The following RSPH14 variants were observed in gnomAD, a reference collection of about 807,000 sequenced individuals.
The protein encoded by RSPH14 is rhabdoid tumor deletion region gene 1.
In RSPH14, 20 loss-of-function variants were observed where a neutral mutation model predicts 26.7. That is an observed-to-expected ratio of 0.75 (90% confidence interval 0.53 to 1.09). The LOEUF is 1.09. Among genes scored for constraint, RSPH14 ranks in the 50% least tolerant of loss-of-function variants. The probability of loss-of-function intolerance (pLI) is 0.00; values close to 1 mark genes in which losing one functional copy is unlikely to be tolerated. For synonymous variants in RSPH14, 177 were observed against 189.3 expected, an observed-to-expected ratio of 0.93 and a Z score of 0.53; for missense variants, 449 against 457.2, an observed-to-expected ratio of 0.98 and a Z score of 0.16.
At chr22:23,087,895 C>G (rs1381476752) in intron 4 of RSPH14, among the ~76,000 whole-genome samples, 1 of 152,192 alleles carries the variant, frequency 6.6e-6, no homozygotes, top group Non-Finnish European at 1.5e-5. Flanking sequence ...GAATCTTTAG[C>G]CTTCAGCTGC....
intron 4 of RSPH14, among the ~76,000 whole-genome samples, chr22:23,129,821 G>A (rs1335068929): frequency 2.0e-5 from 3 of 151,834 alleles, no homozygotes; most frequent in Non-Finnish European, 4.4e-5. Context: ...TCGGGAGGCT[G>A]AGTCAGGAGA....
chr22:23,141,907 C>T (rs1014629624), intron 1 of RSPH14, 42 bp downstream of exon 1: 22 of 892,628 alleles, frequency 2.5e-5, no homozygotes, highest in Non-Finnish European at 3.0e-5. Flanking sequence ...GGTCACTGGG[C>T]CCCCCTGTCC....
intron 4 of RSPH14, among the ~76,000 whole-genome samples, chr22:23,099,706 C>T (rs1283676391): frequency 3.3e-5 from 5 of 152,230 alleles, no homozygotes; most frequent in African/African-American, 1.2e-4. Context: ...CTCTGCCCCT[C>T]GTCTTTAGTA....
At chr22:23,178,243 C>T in the RSPH14 span, among the ~76,000 whole-genome samples, 1 of 152,086 alleles carries the variant, frequency 6.6e-6, no homozygotes, top group Non-Finnish European at 1.5e-5. Flanking sequence ...AGTGAAACCC[C>T]GTCTCTACTA....
intron 3 of RSPH14, among the ~76,000 whole-genome samples, chr22:23,137,413 C>A (rs1737923315): frequency 6.6e-6 from 1 of 150,876 alleles, no homozygotes; most frequent in Admixed American, 6.6e-5. Flanking sequence ...AGATGCCAAG[C>A]CCAGGGCTGC....
chr22:23,096,430 CG>C, intron 4 of RSPH14: 1 of 1,588,022 alleles, frequency 6.3e-7, no homozygotes. Flanking sequence ...TAAGTGGGGC[CG>C]GGGGTTTTCC....
intron 4 of RSPH14, among the ~76,000 whole-genome samples, chr22:23,094,236 G>A (rs1359814967): frequency 1.3e-5 from 2 of 152,158 alleles, no homozygotes; most frequent in Admixed American, 1.3e-4. Flanking sequence ...AGGGGTGCGT[G>A]TGAGTTGGGT....
rs2068946704 is a variant in RSPH14 at position 23,090,675 on chromosome 22, A to T, written c.422-26542T>A. Among the ~76,000 whole-genome samples, 4 of 151,174 alleles carry T rather than the reference A, an allele frequency of 2.6e-5. No homozygotes were observed. The South Asian group carries it at 8.4e-4, about 32-fold the overall frequency. ...TGATGCCTGCTTGCCTCCCTCCTTC[A>T]CCACCTGTTCATACTCATCTCTTAC... On this transcript the variant is annotated intron_variant, in intron 4 of 6. Coordinates refer to ENST00000216036, the MANE Select transcript of RSPH14 (RefSeq NM_014433.3).
At chr22:23,088,796 A>G (rs1371040326) in intron 4 of RSPH14, among the ~76,000 whole-genome samples, 3 of 152,138 alleles carry the variant, frequency 2.0e-5, no homozygotes, top group Admixed American at 1.3e-4. Flanking sequence ...CCCATCGGGC[A>G]TTAGGGGTGT....
chr22:23,136,283 C>T (rs1276223694), intron 3 of RSPH14: 12 of 708,974 alleles, frequency 1.7e-5, no homozygotes, highest in South Asian at 1.6e-4. Flanking sequence ...GATGCCAAGC[C>T]CAGGGCTGCT....
Position 23,091,207 on chromosome 22 carries a change from C to T in RSPH14, c.422-27074G>A, listed in dbSNP as rs556630573. 4.4e-4 allele frequency among the ~76,000 whole-genome samples: 67 copies of T among 152,340 alleles called. 1 individual carries two copies. Among genetic ancestry groups the T allele is most frequent in the South Asian group, 1.9e-3 (9 of 4,832 alleles). On this transcript the variant is annotated intron_variant, in intron 4 of 6. Transcript: ENST00000216036. ...TCACAGACATGTACATGGATCTGCGCGTGCACATGAACAGACACATGCACA... is the reference window on the plus strand; with the variant it reads ...TCACAGACATGTACATGGATCTGCGTGTGCACATGAACAGACACATGCACA...
At chr22:23,116,027 G>A (rs549834235) in intron 4 of RSPH14, among the ~76,000 whole-genome samples, 1 of 152,370 alleles carries the variant, frequency 6.6e-6, no homozygotes, top group East Asian at 1.9e-4. Flanking sequence ...CCCTGAGGCC[G>A]CTGGGGTCCC....
At chr22:23,166,504 C>T in the RSPH14 span, among the ~76,000 whole-genome samples, 1 of 152,138 alleles carries the variant, frequency 6.6e-6, no homozygotes, top group Admixed American at 6.5e-5. Context: ...TGCCAATGAA[C>T]TCAGCATAGA....
At chr22:23,131,391 G>C (rs1335184517) in intron 4 of RSPH14, 3 of 226,668 alleles carry the variant, frequency 1.3e-5, no homozygotes, top group Non-Finnish European at 2.6e-5. Context: ...TCAAGGAAAG[G>C]CAGGAGGAAG....
At chr22:23,103,120 G>A (rs1392805110) in intron 4 of RSPH14, among the ~76,000 whole-genome samples, 1 of 152,198 alleles carries the variant, frequency 6.6e-6, no homozygotes, top group Non-Finnish European at 1.5e-5. Flanking sequence ...TGCATGCCAG[G>A]GCAGTGAGGG....
upstream of RSPH14, among the ~76,000 whole-genome samples, chr22:23,143,833 G>A (rs913169129): frequency 7.2e-5 from 11 of 152,208 alleles, no homozygotes; most frequent in Non-Finnish European, 1.2e-4. Flanking sequence ...GCTTACGCCT[G>A]TAATCCCAAC....
chr22:23,066,849 A>G (rs891267567), intron 4 of RSPH14, among the ~76,000 whole-genome samples: 2 of 152,148 alleles, frequency 1.3e-5, no homozygotes, highest in Middle Eastern at 3.2e-3. Context: ...TGGGCCATCC[A>G]TGGTTTAGAG....
intron 5 of RSPH14, among the ~76,000 whole-genome samples, chr22:23,062,293 A>G (rs1309548728): frequency 3.3e-5 from 5 of 152,198 alleles, no homozygotes; most frequent in Non-Finnish European, 7.3e-5. Context: ...TTTGCCTAAG[A>G]GCCAGAGCTG....
intron 4 of RSPH14, among the ~76,000 whole-genome samples, chr22:23,125,894 G>A (rs1042277723): frequency 2.6e-5 from 4 of 151,908 alleles, no homozygotes; most frequent in Admixed American, 6.5e-5. Context: ...CAAGCAAAGT[G>A]GGGGGTCGGC....
Sources: allele counts gnomAD v4.1 joint callset (sites outside exome capture counted in the v4.1 genomes callset), GRCh38; gene constraint gnomAD v4.1.1; transcripts MANE v1.5; gene names NCBI Gene and HGNC (gene_info 2026-07-23, HGNC 2026-07-21).